Variants in TAOK1 observed in about 807,000 individuals in gnomAD.
The protein encoded by TAOK1 is TAO kinase 1, also known as serine/threonine-protein kinase TAO1.
In TAOK1, 21 loss-of-function variants were observed where a neutral mutation model predicts 138.3. The ratio of observed to expected loss-of-function variants is 0.15; its 90% CI spans 0.11 to 0.22. The LOEUF is 0.22. Ranked by LOEUF, TAOK1 falls within the 10% of genes least tolerant of loss-of-function variation. TAOK1 has a pLI of 1.00. For missense variants in TAOK1, 651 were observed against 1,227.7 expected (o/e 0.53, Z 7.02); for synonymous variants, 361 against 398.4 (o/e 0.91, Z 1.12).
intron 2 of TAOK1, among the ~76,000 whole-genome samples, chr17:29,460,614 A>G (rs1232362527): frequency 6.6e-6 from 1 of 152,192 alleles, no homozygotes; most frequent in Non-Finnish European, 1.5e-5. Flanking sequence ...TACCTGCTAC[A>G]TTACCCTAAG....
intron 18 of TAOK1, among the ~76,000 whole-genome samples, chr17:29,530,979 TGAGACGGAG>T (rs2032092444): frequency 6.9e-6 from 1 of 145,706 alleles, no homozygotes; most frequent in African/African-American, 2.6e-5. Context: ...TTTTTTTTTT[TGAGACGGAG>T]TCTCACTCTG....
At chr17:29,500,809 C>G (rs1007093793) in intron 12 of TAOK1, among the ~76,000 whole-genome samples, 2 of 151,592 alleles carry the variant, frequency 1.3e-5, no homozygotes, top group East Asian at 1.9e-4. Flanking sequence ...GAATGAAGTT[C>G]CAATACATGC....
chr17:29,524,574 G>A (rs1467173755), intron 17 of TAOK1, among the ~76,000 whole-genome samples: 2 of 152,156 alleles, frequency 1.3e-5, no homozygotes, highest in African/African-American at 4.8e-5. Flanking sequence ...TGAGCTCAAG[G>A]TTTCCTGTTA....
chr17:29,521,784 C>T (rs1227943967), intron 16 of TAOK1, among the ~76,000 whole-genome samples: 2 of 152,134 alleles, frequency 1.3e-5, no homozygotes, highest in Admixed American at 6.6e-5. Flanking sequence ...GGATTTCACC[C>T]TGTTAGCCAG....
chr17:29,395,010 G>C (rs1904551433), intron 1 of TAOK1, among the ~76,000 whole-genome samples: 1 of 152,108 alleles, frequency 6.6e-6, no homozygotes, highest in South Asian at 2.1e-4. Context: ...TGGGGGCTGA[G>C]GCTGGAGGAT....
chr17:29,531,884 G>A lies in TAOK1; in HGVS notation c.2361+1265G>A, dbSNP rs1432515232. 9.7e-5 allele frequency among the ~76,000 whole-genome samples: 14 copies of A among 144,864 alleles called. No homozygotes were observed. In the South Asian group the frequency reaches 2.8e-3, roughly 29 times the overall value. ...TTTCTTTTTTTTTTTTTTTTGAGAC[G>A]GAGTCTCGCTCTGTCACCCAGGCTG... is the stretch of plus-strand genomic sequence containing the variant. On this transcript the variant is annotated intron_variant, in intron 18 of 19. Transcript: ENST00000261716.
chr17:29,400,904 CTTT>C (rs10539936), intron 1 of TAOK1, among the ~76,000 whole-genome samples: 35,025 of 104,836 alleles, frequency 0.33, 4,362 homozygotes, highest in East Asian at 0.75. Context: ...TTGTTTGCCT[CTTT>C]TTTTTTTTTT....
chr17:29,400,116 G>A (rs985850640), intron 1 of TAOK1, among the ~76,000 whole-genome samples: 1 of 151,918 alleles, frequency 6.6e-6, no homozygotes, highest in Non-Finnish European at 1.5e-5. Context: ...ATTTCAGGCC[G>A]GGCGTGGTGG....
In TAOK1 at chr17:29,542,833, T is replaced by C. The variant is rs1254618756; in HGVS notation, c.2817T>C (p.Gly939=). 1 of 1,614,020 alleles carries C rather than the reference T, an allele frequency of 6.2e-7. No homozygotes were observed. The highest frequency in any genetic ancestry group is 1.7e-5 in the Admixed American group (1 of 59,996). The change falls in exon 20 of 20, where the codon GGT becomes GGC. Residue 939 remains glycine (G), a synonymous_variant. Coordinates refer to ENST00000261716, the MANE Select transcript of TAOK1 (RefSeq NM_020791.4). ...PPQAWGHPMQ[G]GPQPWGHPSG... is the part of the protein sequence containing the mutation. ...AAGCTTGGGGCCATCCAATGCAAGG[T>C]GGACCCCAGCCATGGGGTCACCCTT...
chr17:29,518,241 A>G (rs1039159528), intron 16 of TAOK1, among the ~76,000 whole-genome samples: 2 of 152,222 alleles, frequency 1.3e-5, no homozygotes, highest in Non-Finnish European at 2.9e-5. Flanking sequence ...TTGGGAGGCC[A>G]AGGCAGGCAG....
intron 1 of TAOK1, among the ~76,000 whole-genome samples, chr17:29,425,883 GT>G (rs1905621787): frequency 6.6e-6 from 1 of 151,788 alleles, no homozygotes; most frequent in Non-Finnish European, 1.5e-5. Flanking sequence ...TGTTTGTTTT[GT>G]TTTGTTTTGT....
intron 1 of TAOK1, among the ~76,000 whole-genome samples, chr17:29,413,113 C>G (rs2153021117): frequency 6.6e-6 from 1 of 152,188 alleles, no homozygotes; most frequent in African/African-American, 2.4e-5. Context: ...AGAGGAATGG[C>G]TTACTCATAG....
chr17:29,481,484 C>T (rs1182500860), intron 7 of TAOK1, among the ~76,000 whole-genome samples: 5 of 151,862 alleles, frequency 3.3e-5, no homozygotes, highest in African/African-American at 1.2e-4. Context: ...ACCACTGTGC[C>T]TGGCCAAAAA....
intron 3 of TAOK1, among the ~76,000 whole-genome samples, chr17:29,468,964 G>C (rs2030747697): frequency 1.3e-5 from 2 of 152,180 alleles, no homozygotes; most frequent in Non-Finnish European, 1.5e-5. Context: ...TGAAAAATTA[G>C]AAAATGAAAT....
intron 3 of TAOK1, among the ~76,000 whole-genome samples, chr17:29,468,599 G>C (rs11655700): frequency 0.15 from 23,380 of 151,412 alleles, 2,072 homozygotes; most frequent in Middle Eastern, 0.22. Context: ...CCAGGCTGGA[G>C]TGCAGTGGCG....
chr17:29,399,050 G>T lies in TAOK1; in HGVS notation c.-95+8026G>T, dbSNP rs186472591. On this transcript the variant is annotated intron_variant, in intron 1 of 19. Coordinates refer to ENST00000261716, the MANE Select transcript of TAOK1 (RefSeq NM_020791.4). ...CACCCAGACTGGAGTGCAGTGGCAC[G>T]ATCTCGGCTGCCTGCAGCCTTGACC... Among the ~76,000 whole-genome samples the T allele has an allele frequency of 1.5e-3, 220 of 143,424 alleles. 1 individual carries two copies. Among genetic ancestry groups the T allele is most frequent in the African/African-American group, 5.3e-3 (204 of 38,302 alleles). The allele number at this position is 143,424 out of a possible 152,430, so 94.1% of individuals were successfully genotyped here.
intron 14 of TAOK1, among the ~76,000 whole-genome samples, chr17:29,509,987 G>C (rs1055545766): frequency 6.6e-6 from 1 of 151,526 alleles, no homozygotes; most frequent in Non-Finnish European, 1.5e-5. Context: ...AAAGTGTTGG[G>C]ATTACAGGTA....
chr17:29,408,415 C>T (rs946446616), intron 1 of TAOK1, among the ~76,000 whole-genome samples: 1 of 151,504 alleles, frequency 6.6e-6, no homozygotes, highest in East Asian at 1.9e-4. Flanking sequence ...GGGGTTTCGC[C>T]GTGTTGCCCA....
At chr17:29,410,130 G>A (rs7208675) in intron 1 of TAOK1, among the ~76,000 whole-genome samples, 94,534 of 152,104 alleles carry the variant, frequency 0.62, 30,607 homozygotes, top group East Asian at 0.97. Context: ...TCTCATTGCT[G>A]TGTGAGCGGG....
Sources: gnomAD v4.1 joint callset for allele counts (sites outside exome capture counted in the v4.1 genomes callset) on GRCh38, gnomAD v4.1.1 for gene constraint, MANE v1.5 for transcripts, NCBI Gene and HGNC (gene_info 2026-07-23, HGNC 2026-07-21) for gene names.